The following KDM6A variants were observed in gnomAD, a reference collection of about 807,000 sequenced individuals.
The protein encoded by KDM6A is lysine demethylase 6A, also known as lysine-specific demethylase 6A.
In KDM6A, 11 loss-of-function variants were observed where a neutral mutation model predicts 117.6. That is an observed-to-expected ratio of 0.09 (90% confidence interval 0.06 to 0.15). The LOEUF is 0.15. Ranked by LOEUF, KDM6A falls within the 10% of genes least tolerant of loss-of-function variation. The probability of loss-of-function intolerance (pLI) is 1.00; values close to 1 mark genes in which losing one functional copy is unlikely to be tolerated. For missense variants in KDM6A, 799 were observed against 1,077.3 expected (o/e 0.74, Z 3.62); for synonymous variants, 384 against 396.1 (o/e 0.97, Z 0.36).
At chrX:45,040,537 G>C (rs1225820097) in intron 8 of KDM6A, among the ~76,000 whole-genome samples, 11 of 66,892 alleles carry the variant, frequency 1.6e-4, no homozygotes, top group South Asian at 9.4e-4. Context: ...CGGCTGGCCG[G>C]GCAGAGGGGC....
chrX:45,020,531 A>T (rs1353759194), intron 5 of KDM6A, 79 bp from the exon 6 acceptor site: 1 of 989,989 alleles, frequency 1.0e-6, no homozygotes, highest in South Asian at 2.0e-5. Flanking sequence ...TGCATAAAAC[A>T]GAAGTTTCAA....
chrX:45,091,615 A>G (rs1460344516), intron 27 of KDM6A, among the ~76,000 whole-genome samples: 2 of 111,942 alleles, frequency 1.8e-5, no homozygotes, highest in Non-Finnish European at 3.8e-5. Flanking sequence ...GATACTGTAT[A>G]TGTTAATGTA....
intron 2 of KDM6A, among the ~76,000 whole-genome samples, chrX:44,936,493 C>T (rs761097803): frequency 8.9e-5 from 10 of 111,805 alleles, no homozygotes; most frequent in Non-Finnish European, 1.9e-4. Flanking sequence ...AAAGCTGTGG[C>T]ATCCTAGCAG....
At position 45,062,086 on chromosome X, in the gene KDM6A, C is replaced by T. The variant is rs182688731; in HGVS notation, c.1582-561C>T. Among the ~76,000 whole-genome samples, 59 of 110,102 alleles carry T rather than the reference C, an allele frequency of 5.4e-4. No homozygotes were observed. The East Asian group carries it at 0.014, about 27-fold the overall frequency. Reference sequence around the variant, plus strand: ...ATGTACAAGCAAATATACATCCCCCCCTTTCTCACATGTATTATTATTTTT... The same window carrying T: ...ATGTACAAGCAAATATACATCCCCCTCTTTCTCACATGTATTATTATTTTT... On this transcript the variant is annotated intron_variant, in intron 15 of 29. Coordinates refer to ENST00000611820, the MANE Select transcript of KDM6A (RefSeq NM_001291415.2).
chrX:45,102,164 G>C (rs376890630), intron 27 of KDM6A, among the ~76,000 whole-genome samples: 1 of 111,923 alleles, frequency 8.9e-6, no homozygotes, highest in African/African-American at 3.2e-5. Context: ...CGAAGTAAGA[G>C]GTTTGCACTG....
chrX:44,970,071 AC>A (rs1019603367), intron 3 of KDM6A, among the ~76,000 whole-genome samples: 1 of 112,313 alleles, frequency 8.9e-6, no homozygotes, highest in African/African-American at 3.2e-5. Context: ...TGCATACTGC[AC>A]CTTTAGAGTT....
At chrX:44,941,876 ACCTT>A (rs1480085452) in intron 2 of KDM6A, among the ~76,000 whole-genome samples, 1 of 109,771 alleles carries the variant, frequency 9.1e-6, no homozygotes, top group Non-Finnish European at 1.9e-5. Context: ...TGCATCACTG[ACCTT>A]CCTTTTGAGA....
At chrX:45,024,981 A>C (rs1156255022) in intron 6 of KDM6A, among the ~76,000 whole-genome samples, 1 of 112,235 alleles carries the variant, frequency 8.9e-6, no homozygotes, top group Admixed American at 9.5e-5. Context: ...AAATTGACCA[A>C]TAAAGATTGT....
In KDM6A at chrX:44,921,970, G is replaced by A. The variant is rs139625183; in HGVS notation, c.226-39314G>A. 8.5e-3 allele frequency among the ~76,000 whole-genome samples: 633 copies of A among 74,779 alleles called. 5 individuals are homozygous for A. The highest frequency in any genetic ancestry group is 0.029 in the African/African-American group (594 of 20,628). 64.9% of individuals were successfully genotyped at this position (74,779 alleles called of 115,157 possible). A position where few individuals can be genotyped will look rare whatever the true frequency, so the allele number is the denominator to read the frequency against. On this transcript the variant is annotated intron_variant, in intron 2 of 29. Transcript: ENST00000611820. ...CTTACTAGCATTTGTTATTATCACC[G>A]TTTTTTTAATTTTAGTCATTCTGAT...
chrX:44,906,669 GTA>G (rs1485915553), intron 2 of KDM6A, among the ~76,000 whole-genome samples: 1 of 110,517 alleles, frequency 9.0e-6, no homozygotes, highest in Non-Finnish European at 1.9e-5. Flanking sequence ...GTATGTGTGT[GTA>G]TGTGTGTGTA....
At chrX:44,903,072 C>T (rs1031889114) in intron 2 of KDM6A, among the ~76,000 whole-genome samples, 2 of 111,979 alleles carry the variant, frequency 1.8e-5, no homozygotes, top group Non-Finnish European at 3.8e-5. Context: ...AAGATCATTG[C>T]ACCTGAGAAT....
At chrX:44,930,933 A>G (rs1292565622) in intron 2 of KDM6A, among the ~76,000 whole-genome samples, 1 of 111,680 alleles carries the variant, frequency 9.0e-6, no homozygotes, top group African/African-American at 3.3e-5. Context: ...TTATTTTCTT[A>G]TCTGAGGACC....
At chrX:45,010,135 A>G (rs1466299987) in intron 4 of KDM6A, among the ~76,000 whole-genome samples, 1 of 110,996 alleles carries the variant, frequency 9.0e-6, no homozygotes, top group African/African-American at 3.3e-5. Flanking sequence ...GGTTATTGAT[A>G]AAACATATAC....
At chrX:45,023,693 C>A (rs1602611809) in intron 6 of KDM6A, among the ~76,000 whole-genome samples, 2 of 111,345 alleles carry the variant, frequency 1.8e-5, no homozygotes, top group African/African-American at 3.3e-5. Flanking sequence ...TGTTTGGTTG[C>A]ATGGAAAAGT....
chrX:44,877,319 T>C (rs1051067359), intron 2 of KDM6A, among the ~76,000 whole-genome samples: 1 of 111,416 alleles, frequency 9.0e-6, no homozygotes. Flanking sequence ...GTAATGTCTT[T>C]AAGGTTGTAA....
chrX:44,935,275 A>G (rs1259543532), intron 2 of KDM6A, among the ~76,000 whole-genome samples: 1 of 111,791 alleles, frequency 8.9e-6, no homozygotes, highest in East Asian at 2.8e-4. Context: ...ACATACTTCT[A>G]GTAAGGCTTA....
intron 2 of KDM6A, among the ~76,000 whole-genome samples, chrX:44,948,033 AC>A (rs755375632): frequency 2.3e-4 from 26 of 111,676 alleles, no homozygotes; most frequent in African/African-American, 8.5e-4. Context: ...GAGCTTAAGA[AC>A]TTAAGAACTT....
At chrX:44,899,355 T>TG (rs2034178023) in intron 2 of KDM6A, among the ~76,000 whole-genome samples, 1 of 106,105 alleles carries the variant, frequency 9.4e-6, no homozygotes, top group African/African-American at 3.5e-5. Flanking sequence ...TGCTTTGTGG[T>TG]GGGGGGTGTA....
chrX:45,086,037 G>A lies in KDM6A; in HGVS notation c.3704+58G>A, dbSNP rs1331461542. The A allele has an allele frequency of 1.5e-5, 10 of 680,381 alleles. No homozygotes were observed. In the Admixed American group the frequency reaches 1.6e-4, roughly 11 times the overall value. The allele number at this position is 680,381 out of a possible 1,213,427, so 56.1% of individuals were successfully genotyped here. A position where few individuals can be genotyped will look rare whatever the true frequency, so the allele number is the denominator to read the frequency against. ...ATATTAGAAAGCAGTAATTGTAAAC[G>A]ACAACTTACCAAGCTGGATCTCCTA... On this transcript the variant is annotated intron_variant, in intron 25 of 29. Transcript: ENST00000611820.
Sources: allele counts gnomAD v4.1 joint callset (sites outside exome capture counted in the v4.1 genomes callset), GRCh38; gene constraint gnomAD v4.1.1; transcripts MANE v1.5; gene names NCBI Gene and HGNC (gene_info 2026-07-23, HGNC 2026-07-21).